Variants in TNR observed in about 807,000 individuals in gnomAD.
TNR encodes tenascin-R.
Under a neutral mutation model 150.4 loss-of-function variants are expected in TNR, and 45 were observed. The ratio of observed to expected loss-of-function variants is 0.30; its 90% CI spans 0.24 to 0.38. The LOEUF is 0.38. TNR is among the 10% of genes least tolerant of loss of function. The pLI is 1.00. For missense variants in TNR, 1,544 were observed against 1,759.1 expected (o/e 0.88, Z 2.19); for synonymous variants, 687 against 678.4 (o/e 1.01, Z -0.20).
chr1:175,355,582 G>A lies in TNR; in HGVS notation c.3170C>T (p.Ala1057Val). 1.9e-6 allele frequency: 3 copies of A among 1,614,074 alleles called. No homozygotes were observed. Among genetic ancestry groups the A allele is most frequent in the Non-Finnish European group, 2.5e-6 (3 of 1,179,920 alleles). ...CCTGGGAGGCTGCCAGGAGATCAGGGCACTTTGTCTGGTGACTTCACTGGC... is the reference window on the plus strand; with the variant it reads ...CCTGGGAGGCTGCCAGGAGATCAGGACACTTTGTCTGGTGACTTCACTGGC... ...LTASEVTRQS[A>V]LISWQPPRAE... The change falls in exon 17 of 23, where the codon GCC (alanine) becomes GTC (valine). Residue 1057 changes from alanine to valine, a missense_variant. Physicochemically the swap from Ala to Val is moderately conservative, Grantham distance 64. Coordinates refer to ENST00000367674, the MANE Select transcript of TNR (RefSeq NM_003285.3).
chr1:175,457,773 A>G (rs1280772508), intron 2 of TNR, among the ~76,000 whole-genome samples: 10 of 152,188 alleles, frequency 6.6e-5, no homozygotes, highest in Admixed American at 6.5e-4. Context: ...ATAATTTGTA[A>G]TTTTATTAGG....
At chr1:175,336,570 C>T (rs965641408) in intron 19 of TNR, among the ~76,000 whole-genome samples, 2 of 152,354 alleles carry the variant, frequency 1.3e-5, no homozygotes, top group Admixed American at 6.5e-5. Context: ...TGGGAACTCC[C>T]GGCTGCTCCG....
intron 1 of TNR, among the ~76,000 whole-genome samples, chr1:175,554,239 C>T (rs1197116921): frequency 6.6e-6 from 1 of 150,572 alleles, no homozygotes; most frequent in Non-Finnish European, 1.5e-5. Flanking sequence ...TTCTACTTTA[C>T]AGATGGCACT....
intron 1 of TNR, among the ~76,000 whole-genome samples, chr1:175,604,673 G>A (rs1233097821): frequency 6.6e-6 from 1 of 152,110 alleles, no homozygotes; most frequent in African/African-American, 2.4e-5. Flanking sequence ...AATTCCATTT[G>A]CCCTTCAAGA....
At chr1:175,641,193 C>G (rs1015814151) in intron 1 of TNR, among the ~76,000 whole-genome samples, 4 of 152,096 alleles carry the variant, frequency 2.6e-5, no homozygotes, top group Non-Finnish European at 5.9e-5. Context: ...GAGGTTAATA[C>G]ATAAAATTTA....
intron 9 of TNR, among the ~76,000 whole-genome samples, chr1:175,369,842 C>A (rs939594630): frequency 5.9e-5 from 9 of 152,204 alleles, no homozygotes; most frequent in African/African-American, 1.4e-4. Context: ...GGAATGCTGC[C>A]TGGCAGCCAG....
intron 2 of TNR, among the ~76,000 whole-genome samples, chr1:175,450,882 T>C (rs575350133): frequency 6.6e-6 from 1 of 152,206 alleles, no homozygotes; most frequent in South Asian, 2.1e-4. Flanking sequence ...ATCCCACAGA[T>C]TGTTAACTGC....
chr1:175,405,469 A>G (rs1343560289), intron 3 of TNR, among the ~76,000 whole-genome samples: 1 of 152,218 alleles, frequency 6.6e-6, no homozygotes, highest in African/African-American at 2.4e-5. Context: ...AAGGTAACTC[A>G]CAAGGGTTAC....
At chr1:175,471,688 C>T (rs947366751) in intron 2 of TNR, among the ~76,000 whole-genome samples, 1 of 152,126 alleles carries the variant, frequency 6.6e-6, no homozygotes, top group African/African-American at 2.4e-5. Context: ...TGTGGAGGCC[C>T]AGGACATCAC....
chr1:175,465,233 G>A (rs939886141), intron 2 of TNR, among the ~76,000 whole-genome samples: 9 of 152,212 alleles, frequency 5.9e-5, no homozygotes, highest in African/African-American at 1.9e-4. Context: ...CCTTCTTTTG[G>A]TCTTAGTTTC....
chr1:175,620,880 T>C (rs1663950544), intron 1 of TNR, among the ~76,000 whole-genome samples: 1 of 152,112 alleles, frequency 6.6e-6, no homozygotes, highest in Admixed American at 6.5e-5. Context: ...CCAACTTGCT[T>C]TATAAGCTCG....
At chr1:175,497,820 G>A (rs1436257803) in intron 2 of TNR, among the ~76,000 whole-genome samples, 2 of 152,174 alleles carry the variant, frequency 1.3e-5, no homozygotes, top group Admixed American at 6.5e-5. Flanking sequence ...AGCACTTTGG[G>A]AGGCCGAGGT....
At chr1:175,508,109 G>A (rs922750863) in intron 2 of TNR, among the ~76,000 whole-genome samples, 14 of 152,094 alleles carry the variant, frequency 9.2e-5, no homozygotes, top group East Asian at 3.9e-4. Flanking sequence ...AGGGTCTGTC[G>A]CGGGGTGGGG....
At chr1:175,701,166 CT>C (rs1553255106) in intron 1 of TNR, among the ~76,000 whole-genome samples, 1 of 152,212 alleles carries the variant, frequency 6.6e-6, no homozygotes, top group Non-Finnish European at 1.5e-5. Context: ...CAATCTATTG[CT>C]TTTTGCCTTT....
intron 4 of TNR, among the ~76,000 whole-genome samples, chr1:175,402,170 G>A (rs963515289): frequency 6.6e-6 from 1 of 151,470 alleles, no homozygotes; most frequent in Admixed American, 6.6e-5. Flanking sequence ...AGCCGGGCGC[G>A]GTGGTGGGCG....
At position 175,633,611 on chromosome 1, in the gene TNR, G is replaced by A. The variant is rs180742735; in HGVS notation, c.-164-105242C>T. The stretch of plus-strand genomic sequence containing the variant: ...TTAATTACCAAATCTCACAGCCTGA[G>A]TTGATTTAATCGCAAATGCCATAAA... On this transcript the variant is annotated intron_variant, in intron 1 of 22. Transcript: ENST00000367674. Among the ~76,000 whole-genome samples the A allele has an allele frequency of 8.5e-4, 129 of 152,272 alleles. 1 individual carries two copies. The highest frequency in any genetic ancestry group is 2.9e-3 in the African/African-American group (121 of 41,554).
intron 1 of TNR, among the ~76,000 whole-genome samples, chr1:175,712,935 A>C (rs780913537): frequency 1.1e-4 from 17 of 152,312 alleles, no homozygotes; most frequent in Non-Finnish European, 1.9e-4. Context: ...CAGTGGGGGC[A>C]TAAAGAAAAA....
intron 1 of TNR, among the ~76,000 whole-genome samples, chr1:175,665,503 G>A (rs1449080600): frequency 2.0e-5 from 3 of 152,166 alleles, no homozygotes; most frequent in Admixed American, 1.3e-4. Flanking sequence ...GAGGACAGCC[G>A]AGGGACAGCA....
In TNR at chr1:175,367,077, G is replaced by A. The variant is rs763375559; in HGVS notation, c.2053+131C>T. 7.9e-5 allele frequency: 58 copies of A among 732,766 alleles called. 1 individual carries two copies. The highest frequency in any genetic ancestry group is 2.5e-4 in the South Asian group (14 of 56,622). The allele number at this position is 732,766 out of a possible 1,614,324, so 45.4% of individuals were successfully genotyped here. Reference sequence around the variant, plus strand: ...ATAGGGTGGATGTTGTTTCTAGGCTGACAGTTGTCACCAGAGCCCTGTTCA... The same window carrying A: ...ATAGGGTGGATGTTGTTTCTAGGCTAACAGTTGTCACCAGAGCCCTGTTCA... On this transcript the variant is annotated intron_variant, in intron 10 of 22. Transcript: ENST00000367674.
Sources: allele counts gnomAD v4.1 joint callset (sites outside exome capture counted in the v4.1 genomes callset), GRCh38; gene constraint gnomAD v4.1.1; transcripts MANE v1.5; gene names NCBI Gene and HGNC (gene_info 2026-07-23, HGNC 2026-07-21).